The following ZC3H4 variants were observed in gnomAD, a reference collection of about 807,000 sequenced individuals.
ZC3H4 encodes zinc finger CCCH-type containing 4, also known as zinc finger CCCH domain-containing protein 4.
A neutral mutation model predicts 108.3 loss-of-function variants in ZC3H4; 13 were observed. The ratio of observed to expected loss-of-function variants is 0.12; its 90% CI spans 0.08 to 0.19. ZC3H4 has a LOEUF of 0.19. Ranked by LOEUF, ZC3H4 falls within the 10% of genes least tolerant of loss-of-function variation. ZC3H4 has a pLI of 1.00. For missense variants in ZC3H4, 1,734 were observed against 1,838.8 expected (o/e 0.94, Z 1.04); for synonymous variants, 917 against 749.6 (o/e 1.22, Z -3.65).
intron 8 of ZC3H4, 60 bp downstream of exon 8, chr19:47,084,996 G>A (rs2057590868): frequency 2.5e-6 from 4 of 1,599,178 alleles, no homozygotes; most frequent in South Asian, 1.1e-5. Flanking sequence ...CTCATTAAAG[G>A]GAAAAAGGAC....
In ZC3H4 at chr19:47,071,786, C is replaced by G; in HGVS notation, c.2138G>C (p.Gly713Ala). The change falls in exon 13 of 15, where the codon GGG becomes GCG. Residue 713 changes from glycine (G) to alanine (A), a missense_variant. Around this residue, in one of 9 missense-constraint regions of ZC3H4, gnomAD observed 540 missense variants for 484.1 expected, o/e 1.12. Transcript: ENST00000253048. Reference protein sequence around the residue: ...EGMEMEPGLLGDAEDYGHYEE... With the variant: ...EGMEMEPGLLADAEDYGHYEE... ...CCTGGAGTCCCGCATACCTGCATCC[C>G]CCAGGAGTCCGGGCTCCATCTCCAT... is the stretch of plus-strand genomic sequence containing the variant. The G allele has an allele frequency of 1.2e-6, 2 of 1,609,088 alleles. No individual in the cohort carries two copies. Among genetic ancestry groups the G allele is most frequent in the Non-Finnish European group, 1.7e-6 (2 of 1,178,018 alleles).
At position 47,066,929 on chromosome 19, in the gene ZC3H4, G is replaced by C; in HGVS notation, c.3339C>G (p.Ala1113=). The change falls in exon 15 of 15, where the codon GCC becomes GCG. Residue 1113 remains alanine (A), a synonymous_variant. Coordinates refer to ENST00000253048, the MANE Select transcript of ZC3H4 (RefSeq NM_015168.2). ...PSPTASPSGD[A]SPPATAPYDP... ...CGTAGGGAGCGGTGGCTGGTGGGGA[G>C]GCATCCCCACTCGGGCTGGCGGTGG... The C allele has an allele frequency of 6.3e-7, 1 of 1,596,496 alleles. No homozygotes were observed. The highest frequency in any genetic ancestry group is 8.5e-7 in the Non-Finnish European group (1 of 1,174,680).
intron 2 of ZC3H4, among the ~76,000 whole-genome samples, chr19:47,106,727 G>A (rs979478778): frequency 2.0e-4 from 30 of 152,174 alleles, no homozygotes; most frequent in Admixed American, 5.2e-4. Context: ...ACCCTAGCCC[G>A]ACTCTAAATA....
intron 11 of ZC3H4, among the ~76,000 whole-genome samples, chr19:47,073,562 A>G (rs1241114374): frequency 6.6e-6 from 1 of 152,166 alleles, no homozygotes; most frequent in Non-Finnish European, 1.5e-5. Context: ...ACAGAGCCAG[A>G]CTCCATCTCA....
Position 47,090,097 on chromosome 19 carries a change from G to A in ZC3H4, c.585C>T (p.Asp195=). ...ATTCCCCATACTGCTCATTCTCGTA[G>A]TCCTCGTACATGCCATAACTCTTGC... ...MDSKSYGMYE[D]YENEQYGEYE... Residue 195 remains aspartate, a synonymous_variant, in exon 5 of 15, where the codon GAC becomes GAT. Transcript: ENST00000253048. 1 of 1,614,186 alleles carries A rather than the reference G, an allele frequency of 6.2e-7. No individual in the cohort carries two copies. The highest frequency in any genetic ancestry group is 8.5e-7 in the Non-Finnish European group (1 of 1,180,040).
intron 4 of ZC3H4, among the ~76,000 whole-genome samples, chr19:47,091,417 A>G (rs1206843362): frequency 6.6e-6 from 1 of 151,894 alleles, no homozygotes; most frequent in Non-Finnish European, 1.5e-5. Context: ...CTAAAAATAC[A>G]AAATGAATTA....
At chr19:47,110,487 G>C (rs1428557004) in intron 2 of ZC3H4, among the ~76,000 whole-genome samples, 3 of 152,182 alleles carry the variant, frequency 2.0e-5, no homozygotes, top group African/African-American at 7.2e-5. Context: ...GGATGTGCAA[G>C]TCTAAAAGGG....
chr19:47,105,864 T>C lies in ZC3H4; in HGVS notation c.161+6560A>G, dbSNP rs370294645. On this transcript the variant is annotated intron_variant, in intron 2 of 14. Coordinates refer to ENST00000253048, the MANE Select transcript of ZC3H4 (RefSeq NM_015168.2). ...GAAAAAGATCAATAATTGGACTTCA[T>C]ATCCCACTAGTGGCTATACCCCACA... Among the ~76,000 whole-genome samples, 48 of 152,310 alleles carry C rather than the reference T, an allele frequency of 3.2e-4. No homozygotes were observed. In the East Asian group the frequency reaches 8.7e-3, roughly 28 times the overall value.
chr19:47,077,421 T>A (rs1458628225), intron 11 of ZC3H4, among the ~76,000 whole-genome samples: 1 of 149,512 alleles, frequency 6.7e-6, no homozygotes, highest in Non-Finnish European at 1.5e-5. Flanking sequence ...TGAGCCGAGA[T>A]CGCATCATTG....
intron 2 of ZC3H4, among the ~76,000 whole-genome samples, chr19:47,100,335 T>C (rs1187653401): frequency 7.2e-5 from 11 of 152,188 alleles, no homozygotes; most frequent in African/African-American, 2.7e-4. Context: ...CCTAGGTTCA[T>C]CAACCAGAAA....
At chr19:47,091,807 C>T (rs879420032) in intron 4 of ZC3H4, among the ~76,000 whole-genome samples, 52 of 151,764 alleles carry the variant, frequency 3.4e-4, no homozygotes, top group Admixed American at 5.9e-4. Flanking sequence ...GCAGGAGAAT[C>T]GCTTGAACCA....
rs959321749 is a variant in ZC3H4, at chr19:47,066,271, C to T, written c.*85G>A. 1.1e-5 allele frequency: 12 copies of T among 1,126,230 alleles called. No individual in the cohort carries two copies. Among genetic ancestry groups the T allele is most frequent in the Non-Finnish European group, 1.4e-5 (12 of 839,668 alleles). The allele number at this position is 1,126,230 out of a possible 1,614,324, so 69.8% of individuals were successfully genotyped here. A position where few individuals can be genotyped will look rare whatever the true frequency, so the allele number is the denominator to read the frequency against. ...AAAAAAGGAACACCCAGCCTGCCTC[C>T]CCTTGCCCCCAAGTTCCCTACCCTG... On this transcript the variant is annotated 3_prime_UTR_variant, in exon 15 of 15. Coordinates refer to ENST00000253048, the MANE Select transcript of ZC3H4 (RefSeq NM_015168.2).
intron 2 of ZC3H4, among the ~76,000 whole-genome samples, chr19:47,109,661 T>C (rs183016478): frequency 1.3e-5 from 2 of 152,316 alleles, no homozygotes; most frequent in East Asian, 1.9e-4. Context: ...TCTACGGCAG[T>C]TGTGAACATA....
chr19:47,096,783 T>C (rs2057828117), intron 2 of ZC3H4: 3 of 985,004 alleles, frequency 3.0e-6, no homozygotes, highest in Non-Finnish European at 3.6e-6. Flanking sequence ...ATGCCATATC[T>C]GTGCCAGGTT....
At position 47,072,042 on chromosome 19, in the gene ZC3H4, T is replaced by C. The variant is rs374529527; in HGVS notation, c.1882A>G (p.Met628Val). Residue 628 changes from methionine to valine, a missense_variant, in exon 13 of 15, where the codon ATG (methionine) becomes GTG (valine). This residue lies in a region of ZC3H4 where 540 missense variants were observed against 484.1 expected (regional missense o/e 1.12). Transcript: ENST00000253048. The surrounding 1 kb of genome is among the most constrained non-coding windows in gnomAD (Gnocchi z 5.6). ...ATGTCGGGGTGCATGTCAGGATGCATTGGACCGCCCATTGGCCCTGGGGGT... is the reference window on the plus strand; with the variant it reads ...ATGTCGGGGTGCATGTCAGGATGCACTGGACCGCCCATTGGCCCTGGGGGT... ...MGPPGPMGGPMHPDMHPDMHP... is the reference protein window; with the variant it reads ...MGPPGPMGGPVHPDMHPDMHP... 4.3e-5 allele frequency: 69 copies of C among 1,586,852 alleles called. No individual in the cohort carries two copies. The highest frequency in any genetic ancestry group is 3.4e-4 in the African/African-American group (25 of 74,270).
At position 47,067,741 on chromosome 19, in the gene ZC3H4, C is replaced by G. The variant is rs553465405; in HGVS notation, c.2527G>C (p.Gly843Arg). ...TTCTGGAGGCGGGGGTCCCCCAGCC[C>G]ACTGCTGCTCAGCTCCCCAACTGAA... ...PASVGELSSS[G>R]LGDPRLQKGH... The change falls in exon 15 of 15, where the codon GGG becomes CGG. Residue 843 changes from glycine to arginine, a missense_variant. Around this residue, in one of 9 missense-constraint regions of ZC3H4, gnomAD observed 540 missense variants for 484.1 expected, o/e 1.12. Coordinates refer to ENST00000253048, the MANE Select transcript of ZC3H4 (RefSeq NM_015168.2). This position sits in a 1 kb window ranked among gnomAD's most constrained non-coding sequence, Gnocchi z 6.4. The G allele has an allele frequency of 3.1e-6, 5 of 1,608,282 alleles. No homozygotes were observed. The highest frequency in any genetic ancestry group is 2.5e-6 in the Non-Finnish European group (3 of 1,178,600).
At position 47,068,164 on chromosome 19, in the gene ZC3H4, T is replaced by C. The variant is rs1248559120; in HGVS notation, c.2399-295A>G. On this transcript the variant is annotated intron_variant, in intron 14 of 14. Transcript: ENST00000253048. Reference sequence around the variant, plus strand: ...GAGGTAGTGATACTATCATGCCCATTTGACAGATGTGAAAACAGAAGCACA... The same window carrying C: ...GAGGTAGTGATACTATCATGCCCATCTGACAGATGTGAAAACAGAAGCACA... Among the ~76,000 whole-genome samples the C allele has an allele frequency of 6.6e-6, 1 of 152,196 alleles. No individual in the cohort carries two copies. The highest frequency in any genetic ancestry group is 1.5e-5 in the Non-Finnish European group (1 of 68,036).
intron 11 of ZC3H4, among the ~76,000 whole-genome samples, chr19:47,075,994 G>A (rs1393082467): frequency 6.6e-6 from 1 of 152,204 alleles, no homozygotes; most frequent in Non-Finnish European, 1.5e-5. Context: ...AGCCAGGACA[G>A]ACTATCAGTG....
chr19:47,074,907 C>G (rs2057392550), intron 11 of ZC3H4, among the ~76,000 whole-genome samples: 3 of 152,210 alleles, frequency 2.0e-5, no homozygotes, highest in African/African-American at 7.2e-5. Context: ...CCGCAGTTAA[C>G]ATCTTGGCCG....
Sources: gnomAD v4.1 joint callset for allele counts (sites outside exome capture counted in the v4.1 genomes callset) on GRCh38, gnomAD v4.1.1 for gene constraint, gnomAD v4.1.1 regional missense constraint, Gnocchi (gnomAD v3.1) non-coding constraint, MANE v1.5 for transcripts, NCBI Gene and HGNC (gene_info 2026-07-23, HGNC 2026-07-21) for gene names.